Variants in RTTN observed in about 807,000 individuals in gnomAD.
RTTN encodes the protein rotatin.
In RTTN, 182 loss-of-function variants were observed where a neutral mutation model predicts 269.2. That is an observed-to-expected ratio of 0.68 (90% CI 0.60 to 0.76). The LOEUF is 0.76. RTTN is among the 30% of genes least tolerant of loss of function. The pLI is 0.00. For synonymous variants in RTTN, 1,006 were observed against 963.5 expected, an observed-to-expected ratio of 1.04 and a Z score of -0.82; for missense variants, 2,545 against 2,608.6, an observed-to-expected ratio of 0.98 and a Z score of 0.53.
intron 14 of RTTN, among the ~76,000 whole-genome samples, chr18:70,154,985 A>C (rs1372612694): frequency 6.6e-6 from 1 of 152,168 alleles, no homozygotes; most frequent in Non-Finnish European, 1.5e-5. Flanking sequence ...ATCTCAAAGA[A>C]AATACAGACT....
intron 32 of RTTN, among the ~76,000 whole-genome samples, chr18:70,082,460 C>A (rs1568348002): frequency 1.3e-5 from 2 of 152,126 alleles, no homozygotes; most frequent in Non-Finnish European, 2.9e-5. Flanking sequence ...CAATAGATTT[C>A]TTGTTATAAT....
chr18:70,030,759 C>A, intron 41 of RTTN, 117 bp downstream of exon 41: 2 of 649,486 alleles, frequency 3.1e-6, no homozygotes, highest in Non-Finnish European at 2.5e-6. Flanking sequence ...TTTAGTGACA[C>A]TGAGATTATA....
At position 70,017,363 on chromosome 18, in the gene RTTN, A is replaced by G; in HGVS notation, c.6421+44T>C. 4 of 1,559,458 alleles carry G rather than the reference A, an allele frequency of 2.6e-6. No individual in the cohort carries two copies. The South Asian group carries it at 4.6e-5, about 18-fold the overall frequency. On this transcript the variant is annotated intron_variant, in intron 46 of 48. Coordinates refer to ENST00000640769, the MANE Select transcript of RTTN (RefSeq NM_173630.4). Reference sequence around the variant, plus strand: ...TATTTGGTGTTGACCTGAACAGTCTATGAATAACTACATATATAAATGTAT... The same window carrying G: ...TATTTGGTGTTGACCTGAACAGTCTGTGAATAACTACATATATAAATGTAT...
intron 3 of RTTN, 65 bp from the exon 4 acceptor site, chr18:70,202,048 C>A: frequency 1.1e-6 from 1 of 899,714 alleles, no homozygotes; most frequent in Middle Eastern, 2.2e-4. Flanking sequence ...AACTTACTTT[C>A]TTTAAGTGGT....
intron 34 of RTTN, among the ~76,000 whole-genome samples, chr18:70,066,904 G>A (rs984064975): frequency 6.6e-6 from 1 of 152,076 alleles, no homozygotes; most frequent in Non-Finnish European, 1.5e-5. Flanking sequence ...TACTAAAAAT[G>A]GAATATACAG....
At chr18:70,199,550 T>A (rs754944960) in intron 4 of RTTN, 46 bp from the exon 5 acceptor site, 1 of 1,294,952 alleles carries the variant, frequency 7.7e-7, no homozygotes, top group East Asian at 2.3e-5. Flanking sequence ...AATAAAGAGA[T>A]GACAGATTCA....
rs1291410901 is a variant in RTTN at position 70,017,756 on chromosome 18, A to G, written c.6154-82T>C. The G allele has an allele frequency of 5.7e-6, 6 of 1,046,484 alleles. No individual in the cohort carries two copies. The African/African-American group carries it at 6.4e-5, about 11-fold the overall frequency. 64.8% of individuals were successfully genotyped at this position (1,046,484 alleles called of 1,614,324 possible). A position where few individuals can be genotyped will look rare whatever the true frequency, so the allele number is the denominator to read the frequency against. ...GTCCCTTGGTGACCAATTAACTAAC[A>G]TTCTGATATACTCTCCCTCTACATT... On this transcript the variant is annotated intron_variant, in intron 45 of 48. Transcript: ENST00000640769.
At position 70,089,880 on chromosome 18, in the gene RTTN, G is replaced by C. The variant is rs569737590; in HGVS notation, c.4144-1733C>G. On this transcript the variant is annotated intron_variant, in intron 30 of 48. Coordinates refer to ENST00000640769, the MANE Select transcript of RTTN (RefSeq NM_173630.4). ...GCTTATAGCAAAATGCAAAGGGAGA[G>C]AGATGAATTAAAGAAGGAATTAAGA... Among the ~76,000 whole-genome samples the C allele has an allele frequency of 1.1e-4, 17 of 152,296 alleles. No homozygotes were observed. In the South Asian group the frequency reaches 3.5e-3, roughly 32 times the overall value.
intron 21 of RTTN, 102 bp downstream of exon 21, chr18:70,139,497 T>A: frequency 1.4e-6 from 1 of 718,568 alleles, no homozygotes; most frequent in Non-Finnish European, 2.4e-6. Context: ...TAAATGCTGT[T>A]GTTCTAATAG....
intron 30 of RTTN, among the ~76,000 whole-genome samples, chr18:70,088,482 G>T (rs556433789): frequency 6.6e-6 from 1 of 152,280 alleles, no homozygotes; most frequent in Admixed American, 6.5e-5. Flanking sequence ...CTTAAAAAAG[G>T]TAGCTATTCT....
intron 15 of RTTN, 173 bp from the exon 16 acceptor site, chr18:70,150,260 T>C (rs2060502586): frequency 1.7e-6 from 1 of 582,974 alleles, no homozygotes; most frequent in Non-Finnish European, 3.1e-6. Flanking sequence ...TTTTCTTCCT[T>C]AATATTTCTA....
intron 3 of RTTN, 106 bp downstream of exon 3, chr18:70,203,980 T>C: frequency 1.2e-6 from 1 of 834,472 alleles, no homozygotes. Context: ...AAAAATAAGT[T>C]TGGGGGAGGT....
At position 70,176,718 on chromosome 18, in the gene RTTN, A is replaced by C; in HGVS notation, c.1433T>G (p.Leu478Arg). ...HHRMAFISISLFAVRLLQTLL... is the reference protein window; with the variant it reads ...HHRMAFISISRFAVRLLQTLL... ...CGTTTGTAGCAGTCGAACTGCAAAC[A>C]GGGAAATGCTGATAAAGGCCATTCT... Residue 478 changes from leucine (L) to arginine (R), a missense_variant, in exon 11 of 49, where the codon CTG becomes CGG. Coordinates refer to ENST00000640769, the MANE Select transcript of RTTN (RefSeq NM_173630.4). 1 of 1,613,922 alleles carries C rather than the reference A, an allele frequency of 6.2e-7. No individual in the cohort carries two copies. Among genetic ancestry groups the C allele is most frequent in the Non-Finnish European group, 8.5e-7 (1 of 1,179,876 alleles).
chr18:70,143,211 G>GT (rs200756416), intron 18 of RTTN, among the ~76,000 whole-genome samples: 19 of 150,718 alleles, frequency 1.3e-4, no homozygotes, highest in East Asian at 5.8e-4. Flanking sequence ...GAGCTGTTTG[G>GT]TTTTTTTTTG....
Position 70,047,964 on chromosome 18 carries a change from G to C in RTTN, c.5541+7C>G, listed in dbSNP as rs2057539467. On this transcript the variant is annotated splice_region_variant and intron_variant, in intron 40 of 48. Transcript: ENST00000640769. ...TAAAGTTTTTGAAAAACCAAGAAATGACGTACCTGAAGGATTACATCACTA... is the reference window on the plus strand; with the variant it reads ...TAAAGTTTTTGAAAAACCAAGAAATCACGTACCTGAAGGATTACATCACTA... 1 of 1,607,950 alleles carries C rather than the reference G, an allele frequency of 6.2e-7. No homozygotes were observed. The highest frequency in any genetic ancestry group is 8.5e-7 in the Non-Finnish European group (1 of 1,175,188).
intron 31 of RTTN, 26 bp downstream of exon 31, chr18:70,087,962 GA>G: frequency 4.4e-6 from 7 of 1,606,294 alleles, no homozygotes; most frequent in South Asian, 2.2e-5. Context: ...AATTTCTAAG[GA>G]AAAAAAGGAG....
In RTTN at chr18:70,017,487, T is replaced by C. The variant is rs983643369; in HGVS notation, c.6341A>G (p.Lys2114Arg). 21 of 1,613,974 alleles carry C rather than the reference T, an allele frequency of 1.3e-5. No homozygotes were observed. The highest frequency in any genetic ancestry group is 1.7e-5 in the Non-Finnish European group (20 of 1,179,964). ...LLTEMSKYKH[K>R]SSPLLPLLIF... ...AAGAAGAGGCAATAAAGGGCTGCTC[T>C]TGTGCTTGTATTTGCTCATCTCTGT... The change falls in exon 46 of 49, where the codon AAG becomes AGG. Residue 2114 changes from lysine (K) to arginine (R), a missense_variant. Transcript: ENST00000640769.
At chr18:70,161,549 T>C (rs1450663889) in intron 14 of RTTN, among the ~76,000 whole-genome samples, 1 of 151,848 alleles carries the variant, frequency 6.6e-6, no homozygotes, top group African/African-American at 2.4e-5. Context: ...AGTAAAAATA[T>C]CAACTAAGTA....
chr18:70,176,154 C>A (rs968885684), intron 11 of RTTN, among the ~76,000 whole-genome samples: 24 of 151,218 alleles, frequency 1.6e-4, no homozygotes, highest in African/African-American at 5.1e-4. Context: ...CCAAAGAAGT[C>A]AAACATATAC....
Sources: allele counts gnomAD v4.1 joint callset (sites outside exome capture counted in the v4.1 genomes callset), GRCh38; gene constraint gnomAD v4.1.1; transcripts MANE v1.5; gene names NCBI Gene and HGNC (gene_info 2026-07-23, HGNC 2026-07-21).